Variants in GNAO1 observed in about 807,000 individuals in gnomAD.
GNAO1 encodes the protein G protein subunit alpha o1, also known as guanine nucleotide-binding protein G(o) subunit alpha.
For missense variants in GNAO1, 166 were observed against 478.7 expected (o/e 0.35, Z 6.10); for synonymous variants, 164 against 180.7 (o/e 0.91, Z 0.74).
chr16:56,230,243 AGGCTGCTGTGG>A (rs2036576568), intron 2 of GNAO1, among the ~76,000 whole-genome samples: 1 of 152,132 alleles, frequency 6.6e-6, no homozygotes, highest in African/African-American at 2.4e-5. Context: ...ACCACAGTGG[AGGCTGCTGTGG>A]GGCCTGGTCT....
At chr16:56,223,920 G>T (rs901744034) in intron 2 of GNAO1, among the ~76,000 whole-genome samples, 1 of 152,228 alleles carries the variant, frequency 6.6e-6, no homozygotes, top group Admixed American at 6.5e-5. Flanking sequence ...GATGTTGAAT[G>T]AATGAGGGGA....
intron 3 of GNAO1, among the ~76,000 whole-genome samples, chr16:56,323,586 C>T (rs1427564983): frequency 6.6e-6 from 1 of 151,844 alleles, no homozygotes. Flanking sequence ...ACAACCTTTC[C>T]TGAGGCCTTA....
rs77393047 is a variant in GNAO1, at chr16:56,325,521, C to T, written c.304-3110C>T. Among the ~76,000 whole-genome samples the T allele has an allele frequency of 7.4e-3, 1,133 of 152,236 alleles. 14 individuals carry two copies. Among genetic ancestry groups the T allele is most frequent in the African/African-American group, 0.025 (1,028 of 41,532 alleles). On this transcript the variant is annotated intron_variant, in intron 3 of 8. Transcript: ENST00000262493. ...TAATGCACACATGAATAAAATATCC[C>T]AATTCTGGAGAGCCCGTGAAATCGG...
intron 2 of GNAO1, among the ~76,000 whole-genome samples, chr16:56,254,233 T>C (rs2036826591): frequency 6.6e-6 from 1 of 152,178 alleles, no homozygotes; most frequent in Admixed American, 6.5e-5. Context: ...TTTTATTTTC[T>C]CTGTTATCTT....
chr16:56,239,709 G>A (rs1181241102), intron 2 of GNAO1, among the ~76,000 whole-genome samples: 1 of 152,196 alleles, frequency 6.6e-6, no homozygotes, highest in Non-Finnish European at 1.5e-5. Context: ...AGAGCAGATT[G>A]ACAAATATGG....
intron 7 of GNAO1, among the ~76,000 whole-genome samples, chr16:56,353,817 C>T (rs1242657043): frequency 6.6e-6 from 1 of 152,202 alleles, no homozygotes; most frequent in Non-Finnish European, 1.5e-5. Flanking sequence ...GGTCCAGGCA[C>T]TCCTGCTGGG....
intron 6 of GNAO1, chr16:56,348,068 C>T: frequency 2.0e-6 from 2 of 981,184 alleles, no homozygotes; most frequent in African/African-American, 3.5e-5. Flanking sequence ...GCTGCCCACC[C>T]CATATTAACT....
At chr16:56,306,239 G>A (rs1426076225) in intron 3 of GNAO1, among the ~76,000 whole-genome samples, 2 of 152,226 alleles carry the variant, frequency 1.3e-5, no homozygotes, top group South Asian at 2.1e-4. Flanking sequence ...CCTTCCTAGC[G>A]TGAGTTAGTG....
chr16:56,262,088 C>T (rs1399374111), intron 2 of GNAO1, among the ~76,000 whole-genome samples: 1 of 152,196 alleles, frequency 6.6e-6, no homozygotes, highest in Non-Finnish European at 1.5e-5. Context: ...GGAGAATCCT[C>T]AAAGTGTGAG....
At chr16:56,347,882 T>A in intron 6 of GNAO1, 5 of 975,808 alleles carry the variant, frequency 5.1e-6, no homozygotes, top group Non-Finnish European at 6.1e-6. Context: ...CTCCGCTGGT[T>A]CTGACCCATC....
intron 2 of GNAO1, among the ~76,000 whole-genome samples, chr16:56,216,248 C>A (rs2036436284): frequency 6.6e-6 from 1 of 152,180 alleles, no homozygotes; most frequent in Non-Finnish European, 1.5e-5. Flanking sequence ...AATAATATCT[C>A]CATTTTTTAA....
At chr16:56,303,112 C>T (rs1309975526) in intron 3 of GNAO1, among the ~76,000 whole-genome samples, 4 of 152,136 alleles carry the variant, frequency 2.6e-5, no homozygotes, top group Non-Finnish European at 4.4e-5. Flanking sequence ...GGAGAAGGGT[C>T]GCAGGATTCC....
chr16:56,266,440 T>C (rs1302419557), intron 2 of GNAO1, among the ~76,000 whole-genome samples: 2 of 152,174 alleles, frequency 1.3e-5, no homozygotes, highest in Non-Finnish European at 2.9e-5. Flanking sequence ...AATAATTGCT[T>C]TGCAAAACAT....
chr16:56,337,793 C>T (rs1191468971), intron 6 of GNAO1, among the ~76,000 whole-genome samples: 1 of 152,184 alleles, frequency 6.6e-6, no homozygotes, highest in Non-Finnish European at 1.5e-5. Context: ...ACTGCGTGGT[C>T]CCCTTCTGGG....
intron 2 of GNAO1, among the ~76,000 whole-genome samples, chr16:56,218,429 G>A (rs917408226): frequency 6.6e-5 from 10 of 152,212 alleles, no homozygotes; most frequent in Admixed American, 6.5e-4. Context: ...CACGTGCCCT[G>A]CTGCAGCAGG....
At chr16:56,238,378 C>T (rs4784647) in intron 2 of GNAO1, among the ~76,000 whole-genome samples, 92,570 of 152,164 alleles carry the variant, frequency 0.61, 28,514 homozygotes, top group East Asian at 0.71. Flanking sequence ...TGCCTGTGCA[C>T]GTGGCCAGAG....
chr16:56,302,185 T>A (rs541740196), intron 3 of GNAO1: 1 of 152,314 alleles, frequency 6.6e-6, no homozygotes, highest in South Asian at 2.1e-4. Context: ...CAGACTAAGG[T>A]TCCCTGGGTT....
At chr16:56,216,314 G>A (rs1224803190) in intron 2 of GNAO1, among the ~76,000 whole-genome samples, 2 of 152,168 alleles carry the variant, frequency 1.3e-5, no homozygotes, top group African/African-American at 2.4e-5. Context: ...ATTAAGCATT[G>A]CCCCTCTGAG....
At position 56,346,219 on chromosome 16, in the gene GNAO1, T is replaced by C. The variant is rs1473764498; in HGVS notation, c.724-5165T>C. On this transcript the variant is annotated intron_variant, in intron 6 of 8. Transcript: ENST00000262493. ...CCCTGTGCATGACACCTGTCATCCA[T>C]GTCGTAACCAGCGGCTCCATCTTGT... The C allele has an allele frequency of 4.1e-6, 4 of 985,358 alleles. No homozygotes were observed. The African/African-American group carries it at 7.0e-5, about 17-fold the overall frequency. 61.0% of individuals were successfully genotyped at this position (985,358 alleles called of 1,614,324 possible).
Sources: allele counts gnomAD v4.1 joint callset (sites outside exome capture counted in the v4.1 genomes callset), GRCh38; gene constraint gnomAD v4.1.1; transcripts MANE v1.5; gene names NCBI Gene and HGNC (gene_info 2026-07-23, HGNC 2026-07-21).